SLA: variants seen among roughly 807,000 people sequenced by gnomAD.
The protein encoded by SLA is src-like-adapter.
In SLA, 16 loss-of-function variants were observed where a neutral mutation model predicts 30.3. The observed-to-expected ratio is 0.53, with a 90% CI of 0.36 to 0.80. The LOEUF is 0.80. Ranked by LOEUF, SLA falls within the 30% of genes least tolerant of loss-of-function variation. The pLI, the probability that SLA is intolerant of heterozygous loss-of-function variation, is 0.01. For synonymous variants in SLA, 143 were observed against 137.8 expected (o/e 1.04, Z -0.26); for missense variants, 310 against 345.2 (o/e 0.90, Z 0.81).
rs1352279219 is a variant in SLA, at chr8:133,078,879, G to C, written c.-318-3749C>G. On this transcript the variant is annotated intron_variant, in intron 1 of 8. Coordinates refer to ENST00000338087, the MANE Select transcript of SLA (RefSeq NM_001045556.3). ...ATCTCCATCCCTCCCTGCCCTCAAG[G>C]AGTTTCTGATCTAGCAGAGGAGACA... is the stretch of plus-strand genomic sequence containing the variant. Among the ~76,000 whole-genome samples, 10 of 152,308 alleles carry C rather than the reference G, an allele frequency of 6.6e-5. No individual in the cohort carries two copies. The East Asian group carries it at 1.7e-3, about 26-fold the overall frequency.
intron 2 of SLA, among the ~76,000 whole-genome samples, chr8:133,074,498 G>A (rs2131465469): frequency 6.6e-6 from 1 of 152,326 alleles, no homozygotes; most frequent in Middle Eastern, 3.4e-3. Flanking sequence ...AAGGTCTGGA[G>A]AGGTTTAAAT....
intron 1 of SLA, 153 bp downstream of exon 1, chr8:133,102,400 C>T: frequency 1.6e-6 from 1 of 635,664 alleles, no homozygotes; most frequent in Non-Finnish European, 2.8e-6. Flanking sequence ...AGCTACTCAC[C>T]ACCAGCAGAG....
intron 3 of SLA, 145 bp from the exon 4 acceptor site, chr8:133,051,060 G>T: frequency 1.6e-6 from 1 of 620,050 alleles, no homozygotes; most frequent in Non-Finnish European, 2.9e-6. Flanking sequence ...TTTACAGCAA[G>T]GTCCTCTCTT....
At chr8:133,085,786 C>T (rs1394120182) in intron 1 of SLA, among the ~76,000 whole-genome samples, 2 of 152,116 alleles carry the variant, frequency 1.3e-5, no homozygotes, top group Admixed American at 6.5e-5. Context: ...TAAAATAATG[C>T]GGCCACTTTG....
At chr8:133,057,776 A>G (rs1173592449) in intron 3 of SLA, among the ~76,000 whole-genome samples, 2 of 85,662 alleles carry the variant, frequency 2.3e-5, no homozygotes, top group Admixed American at 1.6e-4. Context: ...ACAAAAAACA[A>G]AAAAAAAAAA....
intron 2 of SLA, among the ~76,000 whole-genome samples, chr8:133,061,783 T>A (rs182030075): frequency 1.7e-3 from 259 of 152,262 alleles, no homozygotes; most frequent in Non-Finnish European, 3.2e-3. Context: ...CCTGTCTCCA[T>A]GCCCTATGTG....
At chr8:133,090,629 T>C (rs780858707) in intron 1 of SLA, among the ~76,000 whole-genome samples, 3 of 152,228 alleles carry the variant, frequency 2.0e-5, no homozygotes, top group Non-Finnish European at 4.4e-5. Context: ...ACATTCCTAA[T>C]GATGAATACA....
intron 2 of SLA, among the ~76,000 whole-genome samples, chr8:133,067,197 G>A (rs190981149): frequency 6.6e-6 from 1 of 152,262 alleles, no homozygotes; most frequent in East Asian, 1.9e-4. Context: ...CTCTCTGAGT[G>A]CGAGGCTGGG....
In SLA at chr8:133,047,603, T is replaced by C. The variant is rs113231598; in HGVS notation, c.352+227A>G. 3.0e-5 allele frequency: 17 copies of C among 562,224 alleles called. No homozygotes were observed. The South Asian group carries it at 3.4e-4, about 11-fold the overall frequency. The allele number at this position is 562,224 out of a possible 1,614,324, so 34.8% of individuals were successfully genotyped here. On this transcript the variant is annotated intron_variant, in intron 6 of 8. Transcript: ENST00000338087. ...CAGCAGGAGTCATCAGGCCTGATGT[T>C]GGCCAGGCCCGTGGCAGTGCCCAGC...
At chr8:133,059,154 G>C (rs1434495364) in intron 3 of SLA, 1 of 456,130 alleles carries the variant, frequency 2.2e-6, no homozygotes, top group Non-Finnish European at 4.4e-6. Flanking sequence ...CGCCCAGGGC[G>C]GTGCTGCAGG....
intron 1 of SLA, among the ~76,000 whole-genome samples, chr8:133,096,893 G>A (rs1228963655): frequency 6.6e-6 from 1 of 152,186 alleles, no homozygotes; most frequent in East Asian, 1.9e-4. Context: ...AGTGAAGTGG[G>A]AGTGAGCTGG....
At chr8:133,089,113 TCA>T (rs1847086349) in intron 1 of SLA, among the ~76,000 whole-genome samples, 1 of 152,078 alleles carries the variant, frequency 6.6e-6, no homozygotes, top group Non-Finnish European at 1.5e-5. Context: ...GCACTCTGGG[TCA>T]CACACTACCC....
At chr8:133,061,333 T>G (rs1251587959) in intron 2 of SLA, among the ~76,000 whole-genome samples, 1 of 152,146 alleles carries the variant, frequency 6.6e-6, no homozygotes, top group East Asian at 1.9e-4. Flanking sequence ...TTTCTGACTG[T>G]TTTGGGGAAC....
At chr8:133,096,056 G>GTCCT in intron 1 of SLA, 1 of 909,374 alleles carries the variant, frequency 1.1e-6, no homozygotes, top group Non-Finnish European at 1.8e-6. Flanking sequence ...GTCACATGGT[G>GTCCT]TCCTGCCTGC....
At chr8:133,080,671 T>C (rs150288025) in intron 1 of SLA, among the ~76,000 whole-genome samples, 94 of 152,306 alleles carry the variant, frequency 6.2e-4, no homozygotes, top group African/African-American at 2.2e-3. Flanking sequence ...ACCCTCCTTA[T>C]CAGCCCCATG....
intron 1 of SLA, among the ~76,000 whole-genome samples, chr8:133,097,797 T>C (rs1289829025): frequency 6.6e-6 from 1 of 152,194 alleles, no homozygotes; most frequent in Non-Finnish European, 1.5e-5. Flanking sequence ...ATGTGTTACA[T>C]ATTATATATA....
chr8:133,081,884 A>G (rs1845806836), intron 1 of SLA, among the ~76,000 whole-genome samples: 1 of 152,152 alleles, frequency 6.6e-6, no homozygotes, highest in African/African-American at 2.4e-5. Context: ...CCTCTGACGG[A>G]TTGTCACACA....
At chr8:133,095,216 C>A in intron 1 of SLA, 1 of 1,614,206 alleles carries the variant, frequency 6.2e-7, no homozygotes. Flanking sequence ...AAGGTGAGCA[C>A]TTAAGTGCAA....
At chr8:133,054,281 A>G (rs1840947028) in intron 3 of SLA, among the ~76,000 whole-genome samples, 1 of 152,170 alleles carries the variant, frequency 6.6e-6, no homozygotes. Context: ...GACTTAAGAT[A>G]AGGAAACAAA....
Sources: allele counts gnomAD v4.1 joint callset (sites outside exome capture counted in the v4.1 genomes callset), GRCh38; gene constraint gnomAD v4.1.1; transcripts MANE v1.5; gene names NCBI Gene and HGNC (gene_info 2026-07-23, HGNC 2026-07-21).